ST6GALNAC3: variants seen among roughly 807,000 people sequenced by gnomAD.
ST6GALNAC3 encodes the protein alpha-N-acetylgalactosaminide alpha-2,6-sialyltransferase 3.
Under a neutral mutation model 32.7 loss-of-function variants are expected in ST6GALNAC3, and 25 were observed. The observed-to-expected ratio is 0.76, with a 90% confidence interval of 0.56 to 1.07. The LOEUF is 1.07. Among genes scored for constraint, ST6GALNAC3 ranks in the 50% least tolerant of loss-of-function variants. ST6GALNAC3 has a pLI of 0.00. For synonymous variants in ST6GALNAC3, 129 were observed against 133.1 expected, an observed-to-expected ratio of 0.97 and a Z score of 0.21; for missense variants, 355 against 382.4, an observed-to-expected ratio of 0.93 and a Z score of 0.60.
At chr1:76,256,705 A>G (rs1657941133) in intron 1 of ST6GALNAC3, among the ~76,000 whole-genome samples, 1 of 151,904 alleles carries the variant, frequency 6.6e-6, no homozygotes, top group Non-Finnish European at 1.5e-5. Context: ...GGTTTGGAGT[A>G]CATTAAGTTC....
At chr1:76,146,911 G>A (rs183996779) in intron 1 of ST6GALNAC3, among the ~76,000 whole-genome samples, 107 of 152,030 alleles carry the variant, frequency 7.0e-4, no homozygotes, top group Admixed American at 3.7e-3. Context: ...TGTACTTTCC[G>A]ACCTCCTCCT....
intron 3 of ST6GALNAC3, among the ~76,000 whole-genome samples, chr1:76,420,823 C>T (rs984673440): frequency 7.9e-5 from 12 of 152,070 alleles, no homozygotes; most frequent in African/African-American, 2.7e-4. Flanking sequence ...GCAGGCCATA[C>T]TTTATGAACA....
chr1:76,630,003 T>A lies in ST6GALNAC3; in HGVS notation c.*1197T>A. ...ATAACAACAATAATAATGTTCTTAATGTCCAAAGTGCTTTGTCATTTAGAG... is the reference window on the plus strand; with the variant it reads ...ATAACAACAATAATAATGTTCTTAAAGTCCAAAGTGCTTTGTCATTTAGAG... On this transcript the variant is annotated 3_prime_UTR_variant, in exon 5 of 5. Transcript: ENST00000328299. 2 of 985,226 alleles carry A rather than the reference T, an allele frequency of 2.0e-6. No individual in the cohort carries two copies. The highest frequency in any genetic ancestry group is 1.2e-6 in the Non-Finnish European group (1 of 829,824). The allele number at this position is 985,226 out of a possible 1,614,324, so 61.0% of individuals were successfully genotyped here.
At chr1:76,094,871 C>T (rs1458861943) in intron 1 of ST6GALNAC3, among the ~76,000 whole-genome samples, 1 of 151,818 alleles carries the variant, frequency 6.6e-6, no homozygotes, top group Non-Finnish European at 1.5e-5. Context: ...AGATTCCTCA[C>T]CCCCACCCCC....
At chr1:76,229,293 C>T (rs149463316) in intron 1 of ST6GALNAC3, among the ~76,000 whole-genome samples, 221 of 152,280 alleles carry the variant, frequency 1.5e-3, no homozygotes, top group Admixed American at 2.4e-3. Context: ...TAACTGGCAG[C>T]TTCCCTAATT....
At chr1:76,240,878 A>C (rs1403529587) in intron 1 of ST6GALNAC3, among the ~76,000 whole-genome samples, 1 of 152,152 alleles carries the variant, frequency 6.6e-6, no homozygotes, top group Admixed American at 6.5e-5. Context: ...CGCTGGAAAA[A>C]CCCAAATTGT....
At chr1:76,529,312 C>T (rs1663108278) in intron 3 of ST6GALNAC3, among the ~76,000 whole-genome samples, 1 of 151,882 alleles carries the variant, frequency 6.6e-6, no homozygotes, top group Non-Finnish European at 1.5e-5. Flanking sequence ...ATTTAGATAC[C>T]AGATGGTAGG....
chr1:76,222,863 A>G (rs191673390), intron 1 of ST6GALNAC3, among the ~76,000 whole-genome samples: 1 of 152,242 alleles, frequency 6.6e-6, no homozygotes, highest in East Asian at 1.9e-4. Context: ...ACCATCTTGT[A>G]CCAGTCACAA....
At chr1:76,526,045 C>G (rs971152781) in intron 3 of ST6GALNAC3, among the ~76,000 whole-genome samples, 26 of 151,594 alleles carry the variant, frequency 1.7e-4, no homozygotes, top group Non-Finnish European at 4.4e-5. Flanking sequence ...GAGGCTTGAT[C>G]TTTCTTCATC....
At chr1:76,096,005 G>C (rs890374284) in intron 1 of ST6GALNAC3, among the ~76,000 whole-genome samples, 10 of 152,178 alleles carry the variant, frequency 6.6e-5, no homozygotes, top group Non-Finnish European at 1.3e-4. Context: ...CTGTGGGGAT[G>C]GTGCCCTCTG....
At chr1:76,195,101 T>C (rs1654121983) in intron 1 of ST6GALNAC3, among the ~76,000 whole-genome samples, 1 of 152,230 alleles carries the variant, frequency 6.6e-6, no homozygotes, top group African/African-American at 2.4e-5. Context: ...AAGCCCATGA[T>C]GGCAGATGTG....
chr1:76,411,258 A>G (rs768572124), intron 2 of ST6GALNAC3, among the ~76,000 whole-genome samples: 1 of 152,114 alleles, frequency 6.6e-6, no homozygotes, highest in African/African-American at 2.4e-5. Context: ...AAGTCCTGAA[A>G]GCTGATGCTT....
intron 2 of ST6GALNAC3, among the ~76,000 whole-genome samples, chr1:76,346,293 G>A (rs1648505607): frequency 6.6e-6 from 1 of 152,158 alleles, no homozygotes; most frequent in African/African-American, 2.4e-5. Flanking sequence ...TCACAGACAG[G>A]AGGTGGTGAA....
chr1:76,135,900 A>G (rs1649917833), intron 1 of ST6GALNAC3, among the ~76,000 whole-genome samples: 1 of 152,212 alleles, frequency 6.6e-6, no homozygotes, highest in Non-Finnish European at 1.5e-5. Flanking sequence ...GGAGCCCCAC[A>G]GTCTTTTCTC....
intron 3 of ST6GALNAC3, among the ~76,000 whole-genome samples, chr1:76,546,802 C>A (rs2100331590): frequency 6.6e-6 from 1 of 152,344 alleles, no homozygotes; most frequent in South Asian, 2.1e-4. Flanking sequence ...CACGGAATAA[C>A]AGTTCCTCTG....
rs141019834 is a variant in ST6GALNAC3, at chr1:76,091,631, A to G, written c.18+16747A>G. ...GACAGTGGTCCCATAAGATGATAAT[A>G]TCACATTTTTACTGTATCTTTTCTG... On this transcript the variant is annotated intron_variant, in intron 1 of 4. Coordinates refer to ENST00000328299, the MANE Select transcript of ST6GALNAC3 (RefSeq NM_152996.4). 4.7e-3 allele frequency among the ~76,000 whole-genome samples: 718 copies of G among 152,348 alleles called. 5 individuals are homozygous for G. Among genetic ancestry groups the G allele is most frequent in the Admixed American group, 0.011 (161 of 15,302 alleles).
At chr1:76,185,742 T>C (rs1653511825) in intron 1 of ST6GALNAC3, among the ~76,000 whole-genome samples, 2 of 152,148 alleles carry the variant, frequency 1.3e-5, no homozygotes, top group Admixed American at 1.3e-4. Context: ...CCTGCCCTCT[T>C]GGAGGAACAC....
chr1:76,502,177 C>A (rs1392051396), intron 3 of ST6GALNAC3, among the ~76,000 whole-genome samples: 1 of 152,174 alleles, frequency 6.6e-6, no homozygotes, highest in Non-Finnish European at 1.5e-5. Context: ...ATTGCCTCTA[C>A]CTATTTGAGA....
At chr1:76,528,358 C>T (rs1663046327) in intron 3 of ST6GALNAC3, among the ~76,000 whole-genome samples, 1 of 152,158 alleles carries the variant, frequency 6.6e-6, no homozygotes, top group African/African-American at 2.4e-5. Flanking sequence ...TAAGGTCACA[C>T]AGTTAGTAAT....
Sources: gnomAD v4.1 joint callset for allele counts (sites outside exome capture counted in the v4.1 genomes callset) on GRCh38, gnomAD v4.1.1 for gene constraint, MANE v1.5 for transcripts, NCBI Gene and HGNC (gene_info 2026-07-23, HGNC 2026-07-21) for gene names.